TRIO: variants seen among roughly 807,000 people sequenced by gnomAD.
TRIO encodes trio Rho guanine nucleotide exchange factor, also known as triple functional domain protein.
A neutral mutation model predicts 351.9 loss-of-function variants in TRIO; 58 were observed. The observed-to-expected ratio is 0.16, with a 90% CI of 0.13 to 0.21. The LOEUF (loss-of-function observed/expected upper bound fraction) is 0.21, where lower values mean the gene tolerates loss of function less well. Among genes scored for constraint, TRIO ranks in the 10% least tolerant of loss-of-function variants. The pLI is 1.00. For missense variants in TRIO, 3,201 were observed against 4,027.8 expected, an observed-to-expected ratio of 0.79 and a Z score of 5.56; for synonymous variants, 1,758 against 1,595.7, an observed-to-expected ratio of 1.10 and a Z score of -2.42.
At chr5:14,382,017 G>T (rs2152354917) in intron 21 of TRIO, among the ~76,000 whole-genome samples, 1 of 152,302 alleles carries the variant, frequency 6.6e-6, no homozygotes, top group South Asian at 2.1e-4. Context: ...ATTACAACCT[G>T]TGGGGTTGTT....
chr5:14,393,466 A>G (rs1465557250), intron 27 of TRIO, among the ~76,000 whole-genome samples: 1 of 152,250 alleles, frequency 6.6e-6, no homozygotes, highest in Non-Finnish European at 1.5e-5. Context: ...ATATGCTTTC[A>G]GTATTCCTTG....
chr5:14,223,894 T>C (rs1038409096), intron 1 of TRIO, among the ~76,000 whole-genome samples: 1 of 152,226 alleles, frequency 6.6e-6, no homozygotes, highest in Non-Finnish European at 1.5e-5. Flanking sequence ...ATTCAGTGTT[T>C]GATATCCCCA....
In TRIO at chr5:14,497,052, C is replaced by A. The variant is rs375199590; in HGVS notation, c.8019+35C>A. 1.9e-5 allele frequency: 30 copies of A among 1,609,350 alleles called. No homozygotes were observed. Among genetic ancestry groups the A allele is most frequent in the Non-Finnish European group, 2.5e-5 (29 of 1,177,424 alleles). On this transcript the variant is annotated intron_variant, in intron 50 of 56. Coordinates refer to ENST00000344204, the MANE Select transcript of TRIO (RefSeq NM_007118.4). This position sits in a 1 kb window ranked among gnomAD's most constrained non-coding sequence, Gnocchi z 4.4. ...GGGGTCTTCAGGAGTCCGTGTCATC[C>A]CAGCATGAGAGAAAGGATCAGGGAG...
intron 2 of TRIO, among the ~76,000 whole-genome samples, chr5:14,278,249 G>T (rs1735709761): frequency 1.3e-5 from 2 of 152,290 alleles, no homozygotes; most frequent in Non-Finnish European, 2.9e-5. Flanking sequence ...TCTCAGGTCT[G>T]GGGTGATCAG....
intron 1 of TRIO, among the ~76,000 whole-genome samples, chr5:14,227,659 GA>G (rs1360121309): frequency 2.0e-5 from 3 of 152,208 alleles, no homozygotes; most frequent in African/African-American, 7.2e-5. Flanking sequence ...TAGAGCCCCA[GA>G]GTGTTTTTCA....
intron 38 of TRIO, among the ~76,000 whole-genome samples, chr5:14,471,915 A>G (rs1357476057): frequency 1.3e-5 from 2 of 151,260 alleles, no homozygotes; most frequent in Non-Finnish European, 2.9e-5. Context: ...GCCTTTGGAG[A>G]AGGAAAAAAA....
Position 14,479,341 on chromosome 5 carries a change from C to G in TRIO, c.6234C>G (p.Thr2078=). The change falls in exon 42 of 57, where the codon ACC becomes ACG. Residue 2078 remains threonine, a synonymous_variant. Coordinates refer to ENST00000344204, the MANE Select transcript of TRIO (RefSeq NM_007118.4). ...SEHIVSEYID[T]FFEDLKQRLG... ...ACATTGTCTCAGAATACATTGATAC[C>G]TTTTTTGAGGTAAGACCTAAGATAC... 6.2e-7 allele frequency: 1 copy of G among 1,610,944 alleles called. No individual in the cohort carries two copies. Among genetic ancestry groups the G allele is most frequent in the Non-Finnish European group, 8.5e-7 (1 of 1,178,368 alleles).
intron 34 of TRIO, among the ~76,000 whole-genome samples, chr5:14,433,362 C>T (rs765955706): frequency 2.0e-5 from 3 of 152,164 alleles, no homozygotes; most frequent in Admixed American, 6.5e-5. Context: ...TTCGTCATCC[C>T]TTTCCCTCCA....
intron 1 of TRIO, among the ~76,000 whole-genome samples, chr5:14,157,031 A>T (rs1402795524): frequency 2.0e-5 from 3 of 152,204 alleles, no homozygotes; most frequent in Admixed American, 6.5e-5. Context: ...GCCAAAGAGA[A>T]GAAATAAAAA....
rs26287 is a variant in TRIO, at chr5:14,150,088, A to G, written c.157+6206A>G. Among the ~76,000 whole-genome samples the G allele has an allele frequency of 4.7e-3, 716 of 152,332 alleles. 8 individuals carry two copies. The highest frequency in any genetic ancestry group is 0.015 in the African/African-American group (644 of 41,586). ...GCTCCATTACTGGCTTACTGCAGGG[A>G]AGGCCAAGGGGCCCCTTGCTGTCTG... On this transcript the variant is annotated intron_variant, in intron 1 of 56. Coordinates refer to ENST00000344204, the MANE Select transcript of TRIO (RefSeq NM_007118.4).
chr5:14,196,491 C>T (rs373735866), intron 1 of TRIO, among the ~76,000 whole-genome samples: 2 of 150,784 alleles, frequency 1.3e-5, no homozygotes, highest in East Asian at 2.0e-4. Flanking sequence ...CTGACTGAGA[C>T]TATCTTGTGT....
Position 14,476,332 on chromosome 5 carries a change from G to A in TRIO, c.6084-562G>A, listed in dbSNP as rs114939929. ...TGTTTGTTATCCAAAGACCAGGAAG[G>A]TCACCAGCCAAGGGATATACAGTCG... On this transcript the variant is annotated intron_variant, in intron 40 of 56. Coordinates refer to ENST00000344204, the MANE Select transcript of TRIO (RefSeq NM_007118.4). Among the ~76,000 whole-genome samples the A allele has an allele frequency of 6.4e-3, 976 of 152,302 alleles. 7 individuals are homozygous for A. Among genetic ancestry groups the A allele is most frequent in the Non-Finnish European group, 0.01 (710 of 68,020 alleles).
chr5:14,177,908 GCT>G (rs1425151297), intron 1 of TRIO, among the ~76,000 whole-genome samples: 1 of 152,178 alleles, frequency 6.6e-6, no homozygotes, highest in South Asian at 2.1e-4. Context: ...CCGTGGCTTG[GCT>G]CTGTTTCTAA....
intron 27 of TRIO, among the ~76,000 whole-genome samples, chr5:14,393,765 T>C (rs1031143694): frequency 3.9e-5 from 6 of 152,136 alleles, no homozygotes; most frequent in South Asian, 4.1e-4. Flanking sequence ...AATTACAAAA[T>C]GCAAAGTGCA....
rs367677913 is a variant in TRIO, at chr5:14,444,726, G to A, written c.5204-16293G>A. 1.2e-3 allele frequency among the ~76,000 whole-genome samples: 189 copies of A among 152,032 alleles called. 1 individual carries two copies. The highest frequency in any genetic ancestry group is 4.1e-3 in the African/African-American group (170 of 41,500). On this transcript the variant is annotated intron_variant, in intron 34 of 56. Transcript: ENST00000344204. The stretch of plus-strand genomic sequence containing the variant: ...GTTCCCTTGCTTCCATGTTAAACAC[G>A]AAAAAAGAGTGTTACACATTGAATT...
chr5:14,456,803 G>T (rs996576419), intron 34 of TRIO, among the ~76,000 whole-genome samples: 1 of 152,136 alleles, frequency 6.6e-6, no homozygotes, highest in African/African-American at 2.4e-5. Context: ...TTTAAAATTC[G>T]CATCAAAGTA....
chr5:14,173,944 G>A (rs1789255905), intron 1 of TRIO, among the ~76,000 whole-genome samples: 1 of 152,220 alleles, frequency 6.6e-6, no homozygotes, highest in Non-Finnish European at 1.5e-5. Flanking sequence ...GAAATACCCA[G>A]TAGTGCTGCC....
intron 1 of TRIO, among the ~76,000 whole-genome samples, chr5:14,260,816 T>C (rs2152259912): frequency 6.6e-6 from 1 of 152,328 alleles, no homozygotes; most frequent in South Asian, 2.1e-4. Context: ...ATACTGTATT[T>C]TAAATTCAAC....
chr5:14,290,815 A>G lies in TRIO; in HGVS notation c.640A>G (p.Ile214Val). ...GCLEYNHEEWIEIRVAFEDYI... is the reference protein window; with the variant it reads ...GCLEYNHEEWVEIRVAFEDYI... ...CCTGGAATACAACCACGAAGAATGG[A>G]TTGAAATCAGAGTTGCTTTTGAAGA... Residue 214 changes from isoleucine to valine, a missense_variant, in exon 5 of 57, where the codon ATT becomes GTT. By Grantham distance (29) the Ile-to-Val change is conservative. Coordinates refer to ENST00000344204, the MANE Select transcript of TRIO (RefSeq NM_007118.4). The G allele has an allele frequency of 6.2e-7, 1 of 1,614,116 alleles. No homozygotes were observed. The highest frequency in any genetic ancestry group is 8.5e-7 in the Non-Finnish European group (1 of 1,180,012).
Sources: allele counts gnomAD v4.1 joint callset (sites outside exome capture counted in the v4.1 genomes callset), GRCh38; gene constraint gnomAD v4.1.1; non-coding constraint Gnocchi (gnomAD v3.1); transcripts MANE v1.5; gene names NCBI Gene and HGNC (gene_info 2026-07-23, HGNC 2026-07-21).